UBE4B: variants seen among roughly 807,000 people sequenced by gnomAD.
UBE4B encodes the protein ubiquitin conjugation factor E4 B.
UBE4B carries 27 observed loss-of-function variants against 148.1 expected under a neutral mutation model. The observed-to-expected ratio is 0.18, with a 90% CI of 0.13 to 0.25. The LOEUF (loss-of-function observed/expected upper bound fraction) is 0.25, where lower values mean the gene tolerates loss of function less well. Ranked by LOEUF, UBE4B falls within the 10% of genes least tolerant of loss-of-function variation. UBE4B has a pLI of 1.00. For missense variants in UBE4B, 1,170 were observed against 1,662.4 expected (o/e 0.70, Z 5.15); for synonymous variants, 596 against 619.3 (o/e 0.96, Z 0.56).
chr1:10,152,259 AAATAATAATAAT>A (rs60838123), intron 21 of UBE4B, among the ~76,000 whole-genome samples: 60 of 141,338 alleles, frequency 4.2e-4, no homozygotes, highest in Middle Eastern at 3.6e-3. Context: ...ACTCCGTCTC[AAATAATAATAAT>A]AATAATAATA....
At chr1:10,167,047 A>G (rs572617761) in intron 23 of UBE4B, among the ~76,000 whole-genome samples, 6 of 151,958 alleles carry the variant, frequency 3.9e-5, no homozygotes. Flanking sequence ...CATGAGAATC[A>G]CTTGAACCTG....
At chr1:10,144,215 G>A (rs116792953) in intron 17 of UBE4B, among the ~76,000 whole-genome samples, 14 of 152,306 alleles carry the variant, frequency 9.2e-5, no homozygotes, top group South Asian at 4.1e-4. Flanking sequence ...AGAGCATTGC[G>A]AGCAGAGGGA....
At chr1:10,112,026 A>G (rs2101905149) in intron 7 of UBE4B, among the ~76,000 whole-genome samples, 1 of 152,330 alleles carries the variant, frequency 6.6e-6, no homozygotes, top group East Asian at 1.9e-4. Flanking sequence ...TGGGAGAGTA[A>G]TTATAGAAGA....
At chr1:10,136,345 C>T (rs1645682546) in intron 16 of UBE4B, among the ~76,000 whole-genome samples, 1 of 152,068 alleles carries the variant, frequency 6.6e-6, no homozygotes, top group African/African-American at 2.4e-5. Flanking sequence ...TGGCACATGC[C>T]TGTGTTCCCA....
chr1:10,120,483 C>T (rs1024632705), intron 9 of UBE4B, among the ~76,000 whole-genome samples: 2 of 151,822 alleles, frequency 1.3e-5, no homozygotes, highest in Non-Finnish European at 2.9e-5. Context: ...CGTGCCACTG[C>T]ACTCCAGCCT....
chr1:10,095,383 C>A, intron 2 of UBE4B, 78 bp from the exon 3 acceptor site: 4 of 1,555,324 alleles, frequency 2.6e-6, no homozygotes, highest in Non-Finnish European at 3.5e-6. Context: ...GCAGATTGTG[C>A]GTGTTTACTG....
intron 2 of UBE4B, among the ~76,000 whole-genome samples, chr1:10,089,026 A>G (rs1004897819): frequency 2.0e-5 from 3 of 151,850 alleles, no homozygotes; most frequent in African/African-American, 7.3e-5. Context: ...TCTTTTTTTG[A>G]GATAAAGTCT....
At chr1:10,053,129 G>A (rs1244468295) in intron 1 of UBE4B, among the ~76,000 whole-genome samples, 1 of 151,844 alleles carries the variant, frequency 6.6e-6, no homozygotes, top group African/African-American at 2.4e-5. Flanking sequence ...GTTTACAACC[G>A]TGCATGGCTT....
At chr1:10,176,860 A>C (rs1030484684) in intron 25 of UBE4B, among the ~76,000 whole-genome samples, 1 of 138,222 alleles carries the variant, frequency 7.2e-6, no homozygotes, top group African/African-American at 2.8e-5. Flanking sequence ...ATCTCAGCCT[A>C]CTGCAACCTC....
At chr1:10,065,808 C>A (rs1363204173) in intron 1 of UBE4B, among the ~76,000 whole-genome samples, 1 of 152,080 alleles carries the variant, frequency 6.6e-6, no homozygotes, top group African/African-American at 2.4e-5. Context: ...GTGTCATTGC[C>A]ATTTGCATTT....
chr1:10,085,432 T>A (rs1263868633), intron 2 of UBE4B, among the ~76,000 whole-genome samples: 4 of 152,192 alleles, frequency 2.6e-5, no homozygotes, highest in Non-Finnish European at 5.9e-5. Flanking sequence ...AAGAGACTAG[T>A]TCAACCCTGA....
Position 10,149,175 on chromosome 1 carries a change from CTT to C in UBE4B, c.2592-7_2592-6del. On this transcript the variant is annotated splice_polypyrimidine_tract_variant and splice_region_variant and intron_variant, in intron 19 of 27. Coordinates refer to ENST00000343090, the MANE Select transcript of UBE4B (RefSeq NM_001105562.3). ...ATTTAATAAATTGTCCTTTTTTTCT[CTT>C]TGACAGTATAACACTGCCTTTAAAT... is the stretch of plus-strand genomic sequence containing the variant. 1 of 1,567,966 alleles carries C rather than the reference CTT, an allele frequency of 6.4e-7. No homozygotes were observed. The highest frequency in any genetic ancestry group is 8.6e-7 in the Non-Finnish European group (1 of 1,161,784).
intron 1 of UBE4B, among the ~76,000 whole-genome samples, chr1:10,034,315 C>G (rs2101756248): frequency 6.6e-6 from 1 of 152,252 alleles, no homozygotes; most frequent in African/African-American, 2.4e-5. Context: ...TCTTTTCCTA[C>G]TTCTTGAATC....
In UBE4B at chr1:10,134,655, T is replaced by G. The variant is rs556288648; in HGVS notation, c.2026-333T>G. ...TGGTGATGAGATATATGTCTTCTCATTGACTTTAGGATACAGTTATGTTTG... is the reference window on the plus strand; with the variant it reads ...TGGTGATGAGATATATGTCTTCTCAGTGACTTTAGGATACAGTTATGTTTG... On this transcript the variant is annotated intron_variant, in intron 15 of 27. Transcript: ENST00000343090. Among the ~76,000 whole-genome samples the G allele has an allele frequency of 4.6e-5, 7 of 152,330 alleles. No homozygotes were observed. In the East Asian group the frequency reaches 1.3e-3, roughly 29 times the overall value.
chr1:10,103,626 G>GTTTTTTTT (rs1279924321), intron 5 of UBE4B, among the ~76,000 whole-genome samples: 1 of 117,078 alleles, frequency 8.5e-6, no homozygotes, highest in African/African-American at 3.2e-5. Context: ...TGTTTGTTTT[G>GTTTTTTTT]TTTTTGTTTT....
At chr1:10,156,768 G>A (rs1646079193) in intron 21 of UBE4B, among the ~76,000 whole-genome samples, 1 of 152,086 alleles carries the variant, frequency 6.6e-6, no homozygotes, top group Non-Finnish European at 1.5e-5. Context: ...ATATACATAA[G>A]TACTTTCGGA....
In UBE4B at chr1:10,168,015, C is replaced by T. The variant is rs891323094; in HGVS notation, c.3199-121C>T. The stretch of plus-strand genomic sequence containing the variant: ...TCAGTTATCTGGGACATGTGGCAGG[C>T]GGTTCTGTCATTCCCTAAGCATGTT... On this transcript the variant is annotated intron_variant, in intron 23 of 27. Coordinates refer to ENST00000343090, the MANE Select transcript of UBE4B (RefSeq NM_001105562.3). The surrounding 1 kb of genome is among the most constrained non-coding windows in gnomAD (Gnocchi z 4.9). 24 of 1,194,476 alleles carry T rather than the reference C, an allele frequency of 2.0e-5. No homozygotes were observed. Among genetic ancestry groups the T allele is most frequent in the African/African-American group, 4.7e-5 (3 of 64,238 alleles). The allele number at this position is 1,194,476 out of a possible 1,614,324, so 74.0% of individuals were successfully genotyped here. A position where few individuals can be genotyped will look rare whatever the true frequency, so the allele number is the denominator to read the frequency against.
In UBE4B at chr1:10,168,120, G is replaced by A. The variant is rs1382035487; in HGVS notation, c.3199-16G>A. 5 of 1,610,184 alleles carry A rather than the reference G, an allele frequency of 3.1e-6. No individual in the cohort carries two copies. The East Asian group carries it at 8.9e-5, about 29-fold the overall frequency. ...CAGGACCGAGCCTTACTCAGCGTCT[G>A]TTCGATGTGTCCTAGGATCAGCAGC... is the stretch of plus-strand genomic sequence containing the variant. On this transcript the variant is annotated splice_polypyrimidine_tract_variant and intron_variant, in intron 23 of 27. Transcript: ENST00000343090. This position sits in a 1 kb window ranked among gnomAD's most constrained non-coding sequence, Gnocchi z 4.9.
intron 1 of UBE4B, among the ~76,000 whole-genome samples, chr1:10,056,136 A>G (rs961994005): frequency 1.1e-4 from 16 of 152,330 alleles, no homozygotes; most frequent in African/African-American, 2.6e-4. Context: ...AAATTATTCT[A>G]CACTCAGCAT....
Sources: allele counts gnomAD v4.1 joint callset (sites outside exome capture counted in the v4.1 genomes callset), GRCh38; gene constraint gnomAD v4.1.1; non-coding constraint Gnocchi (gnomAD v3.1); transcripts MANE v1.5; gene names NCBI Gene and HGNC (gene_info 2026-07-23, HGNC 2026-07-21).